The following SPACA9 variants were observed in gnomAD, a reference collection of about 807,000 sequenced individuals.
SPACA9 encodes the protein sperm acrosome-associated protein 9.
In SPACA9, 14 loss-of-function variants were observed where a neutral mutation model predicts 12.5. The ratio of observed to expected loss-of-function variants is 1.12; its 90% confidence interval spans 0.74 to 1.75. The LOEUF (loss-of-function observed/expected upper bound fraction) is 1.75. Ranked by LOEUF, SPACA9 falls within the 40% of genes most tolerant of loss-of-function variation. The pLI, the probability that SPACA9 is intolerant of heterozygous loss-of-function variation, is 0.00. For missense variants in SPACA9, 292 were observed against 291.9 expected (o/e 1.00, Z 0.00); for synonymous variants, 111 against 114.1 (o/e 0.97, Z 0.17).
At chr9:132,880,537 C>T (rs188469839) in intron 1 of SPACA9, among the ~76,000 whole-genome samples, 5 of 152,146 alleles carry the variant, frequency 3.3e-5, no homozygotes, top group Non-Finnish European at 5.9e-5. Flanking sequence ...CCTATGTGCT[C>T]TCTCTCACTT....
At chr9:132,884,596 A>G (rs1380975653) in intron 2 of SPACA9, among the ~76,000 whole-genome samples, 1 of 152,200 alleles carries the variant, frequency 6.6e-6, no homozygotes, top group African/African-American at 2.4e-5. Flanking sequence ...TTTGCTGTGC[A>G]GGACTTGGAG....
chr9:132,881,746 T>C (rs1399244152), intron 1 of SPACA9, among the ~76,000 whole-genome samples: 5 of 151,696 alleles, frequency 3.3e-5, no homozygotes, highest in African/African-American at 4.8e-5. Context: ...ACTGCAGCCT[T>C]GACCTCCTGG....
intron 1 of SPACA9, among the ~76,000 whole-genome samples, chr9:132,881,280 AAAAAG>A (rs1844419708): frequency 6.9e-6 from 1 of 145,884 alleles, no homozygotes; most frequent in Non-Finnish European, 1.5e-5. Flanking sequence ...AAGAAAAAAA[AAAAAG>A]AAAAAAAAGA....
chr9:132,886,904 C>T lies in SPACA9; in HGVS notation c.145-465C>T, dbSNP rs532858836. Among the ~76,000 whole-genome samples, 4 of 152,106 alleles carry T rather than the reference C, an allele frequency of 2.6e-5. No homozygotes were observed. The South Asian group carries it at 6.2e-4, about 24-fold the overall frequency. On this transcript the variant is annotated intron_variant, in intron 2 of 3. Transcript: ENST00000356311. ...TCGGCTCACTGCAGCCTCCTCCTCC[C>T]GGGTTCAAGTGGTTTTCCTGCCTCA...
intron 2 of SPACA9, among the ~76,000 whole-genome samples, chr9:132,884,544 T>C (rs940562582): frequency 6.6e-6 from 1 of 152,236 alleles, no homozygotes; most frequent in Non-Finnish European, 1.5e-5. Context: ...GCAGATGTTT[T>C]TATTTAACCT....
In SPACA9 at chr9:132,884,022, C is replaced by T. The variant is rs1314967918; in HGVS notation, c.75C>T (p.Phe25=). 3 of 1,614,208 alleles carry T rather than the reference C, an allele frequency of 1.9e-6. No homozygotes were observed. Among genetic ancestry groups the T allele is most frequent in the East Asian group, 4.5e-5 (2 of 44,884 alleles). The change falls in exon 2 of 4, where the codon TTC becomes TTT. Residue 25 remains phenylalanine (F), a synonymous_variant. Transcript: ENST00000356311. ...TCTTCCAGCAGCAGCAGCTCACCTT[C>T]ACCGCCGCTCTGGAGCACTGCAGGG... ...YKLFQQQQLT[F]TAALEHCREN... is the part of the protein sequence containing the mutation.
chr9:132,880,625 A>G (rs909831269), intron 1 of SPACA9, among the ~76,000 whole-genome samples: 1 of 152,240 alleles, frequency 6.6e-6, no homozygotes, highest in African/African-American at 2.4e-5. Flanking sequence ...CCCTCAGCAC[A>G]AAACTTAAGG....
rs1175813595 is a variant in SPACA9, at chr9:132,888,800, C to T, written c.*189C>T. ...CTTTTTTTTTTGAGACGGAGTCTCGCTCTGTCGCCCAGGCTGGAGTGCGGT... is the reference window on the plus strand; with the variant it reads ...CTTTTTTTTTTGAGACGGAGTCTCGTTCTGTCGCCCAGGCTGGAGTGCGGT... On this transcript the variant is annotated 3_prime_UTR_variant, in exon 4 of 4. Coordinates refer to ENST00000356311, the MANE Select transcript of SPACA9 (RefSeq NM_001316897.2). This position sits in a 1 kb window ranked among gnomAD's most constrained non-coding sequence, Gnocchi z 5.0. The T allele has an allele frequency of 1.7e-5, 23 of 1,332,982 alleles. No individual in the cohort carries two copies. The East Asian group carries it at 5.0e-4, about 29-fold the overall frequency. 82.6% of individuals were successfully genotyped at this position (1,332,982 alleles called of 1,614,324 possible).
chr9:132,881,943 A>G (rs937223269), intron 1 of SPACA9, among the ~76,000 whole-genome samples: 3 of 152,226 alleles, frequency 2.0e-5, no homozygotes, highest in African/African-American at 7.2e-5. Context: ...CGGGAGGCAC[A>G]ACAGGAAACC....
chr9:132,889,070 C>G lies in SPACA9; in HGVS notation c.*459C>G. On this transcript the variant is annotated 3_prime_UTR_variant, in exon 4 of 4. Coordinates refer to ENST00000356311, the MANE Select transcript of SPACA9 (RefSeq NM_001316897.2). ...CAGGCGTGAGCCACAGCGCCCGGCCCTCTTGCTTTAACTTCTAACATTTCC... is the reference window on the plus strand; with the variant it reads ...CAGGCGTGAGCCACAGCGCCCGGCCGTCTTGCTTTAACTTCTAACATTTCC... 1.0e-6 allele frequency: 1 copy of G among 995,968 alleles called. No homozygotes were observed. The highest frequency in any genetic ancestry group is 1.2e-6 in the Non-Finnish European group (1 of 835,546). 61.7% of individuals were successfully genotyped at this position (995,968 alleles called of 1,614,324 possible). A position where few individuals can be genotyped will look rare whatever the true frequency, so the allele number is the denominator to read the frequency against.
intron 2 of SPACA9, among the ~76,000 whole-genome samples, chr9:132,884,964 A>T (rs1844524439): frequency 1.3e-5 from 2 of 150,544 alleles, no homozygotes; most frequent in Non-Finnish European, 3.0e-5. Flanking sequence ...AAATACAAAA[A>T]TAGCTGGGCG....
At chr9:132,881,857 C>T (rs911527341) in intron 1 of SPACA9, among the ~76,000 whole-genome samples, 1 of 152,034 alleles carries the variant, frequency 6.6e-6, no homozygotes, top group Non-Finnish European at 1.5e-5. Context: ...AGTTTTTTGG[C>T]GCCTCCTTAA....
intron 2 of SPACA9, among the ~76,000 whole-genome samples, chr9:132,885,339 C>G (rs913226619): frequency 6.6e-6 from 1 of 151,450 alleles, no homozygotes; most frequent in African/African-American, 2.4e-5. Context: ...ATGGTGAAAC[C>G]CCATCTTTAC....
At chr9:132,886,795 A>G (rs1844578590) in intron 2 of SPACA9, among the ~76,000 whole-genome samples, 1 of 151,610 alleles carries the variant, frequency 6.6e-6, no homozygotes, top group East Asian at 1.9e-4. Flanking sequence ...CTACCCATCC[A>G]TCCGTCCATT....
Position 132,889,760 on chromosome 9 carries a change from A to C in SPACA9, c.*1149A>C, listed in dbSNP as rs1469534938. On this transcript the variant is annotated 3_prime_UTR_variant, in exon 4 of 4. Transcript: ENST00000356311. ...GTTCTCTGGACCACAGCCAAAGGGG[A>C]ATAAACTCACCTTTCCTTCGCCTTT... 7.8e-7 allele frequency: 1 copy of C among 1,281,696 alleles called. No homozygotes were observed. Among genetic ancestry groups the C allele is most frequent in the East Asian group, 3.1e-5 (1 of 32,534 alleles). 79.4% of individuals were successfully genotyped at this position (1,281,696 alleles called of 1,614,324 possible).
At chr9:132,885,512 C>CAAAAAAAA (rs56183351) in intron 2 of SPACA9, among the ~76,000 whole-genome samples, 1 of 65,560 alleles carries the variant, frequency 1.5e-5, no homozygotes, top group East Asian at 4.1e-4. Context: ...GACCCTGTCT[C>CAAAAAAAA]AAAAAAAAAA....
rs1844669344 is a variant in SPACA9, at chr9:132,889,244, G to A, written c.*633G>A. Reference sequence around the variant, plus strand: ...CACATCCGGCTCCAGTGCCACGCCTGTCCCTGCTGCGGGCTGCAGTTTTGC... The same window carrying A: ...CACATCCGGCTCCAGTGCCACGCCTATCCCTGCTGCGGGCTGCAGTTTTGC... On this transcript the variant is annotated 3_prime_UTR_variant, in exon 4 of 4. Coordinates refer to ENST00000356311, the MANE Select transcript of SPACA9 (RefSeq NM_001316897.2). The A allele has an allele frequency of 7.1e-6, 7 of 986,018 alleles. No individual in the cohort carries two copies. The South Asian group carries it at 2.8e-4, about 40-fold the overall frequency. The allele number at this position is 986,018 out of a possible 1,614,324, so 61.1% of individuals were successfully genotyped here.
In SPACA9 at chr9:132,889,993, AG is replaced by A; in HGVS notation, c.*1387del. The A allele has an allele frequency of 6.7e-7, 1 of 1,488,630 alleles. No homozygotes were observed. The highest frequency in any genetic ancestry group is 9.0e-7 in the Non-Finnish European group (1 of 1,112,784). 92.2% of individuals were successfully genotyped at this position (1,488,630 alleles called of 1,614,324 possible). A position where few individuals can be genotyped will look rare whatever the true frequency, so the allele number is the denominator to read the frequency against. Reference sequence around the variant, plus strand: ...GCTTCTGTATTATTGTTGCTTCCTCAGGGGGAGACAGTCAAGAATAAAAAGT... The same window carrying A: ...GCTTCTGTATTATTGTTGCTTCCTCAGGGGAGACAGTCAAGAATAAAAAGT... On this transcript the variant is annotated 3_prime_UTR_variant, in exon 4 of 4. Transcript: ENST00000356311.
Position 132,889,710 on chromosome 9 carries a change from T to G in SPACA9, c.*1099T>G. ...GATTACAGGTGTGAGCCACGGCACC[T>G]GGCCAGAACTCAGTAGTGTGTTTAG... On this transcript the variant is annotated 3_prime_UTR_variant, in exon 4 of 4. Transcript: ENST00000356311. 1 of 1,137,526 alleles carries G rather than the reference T, an allele frequency of 8.8e-7. No homozygotes were observed. Among genetic ancestry groups the G allele is most frequent in the Non-Finnish European group, 1.1e-6 (1 of 924,114 alleles). The allele number at this position is 1,137,526 out of a possible 1,614,324, so 70.5% of individuals were successfully genotyped here.
Sources: allele counts gnomAD v4.1 joint callset (sites outside exome capture counted in the v4.1 genomes callset), GRCh38; gene constraint gnomAD v4.1.1; non-coding constraint Gnocchi (gnomAD v3.1); transcripts MANE v1.5; gene names NCBI Gene and HGNC (gene_info 2026-07-23, HGNC 2026-07-21).